SAMD5: variants seen among roughly 807,000 people sequenced by gnomAD.
The protein encoded by SAMD5 is sterile alpha motif domain-containing protein 5.
In SAMD5, 13 loss-of-function variants were observed where a neutral mutation model predicts 11.3. The ratio of observed to expected loss-of-function variants is 1.15; its 90% CI spans 0.75 to 1.83. The LOEUF is 1.83. Among genes scored for constraint, SAMD5 ranks in the 40% most tolerant of loss-of-function variants. SAMD5 has a pLI of 0.00. For synonymous variants in SAMD5, 129 were observed against 111.3 expected (o/e 1.16, Z -1.00); for missense variants, 255 against 239.1 (o/e 1.07, Z -0.44).
At chr6:147,798,709 A>C in the SAMD5 span, among the ~76,000 whole-genome samples, 1,552 of 151,440 alleles carry the variant, frequency 0.01, 20 homozygotes, top group Middle Eastern at 0.031. Flanking sequence ...GTCTAAGTCT[A>C]TTTGTAGGTC....
chr6:147,874,485 A>G, the SAMD5 span, among the ~76,000 whole-genome samples: 1 of 151,870 alleles, frequency 6.6e-6, no homozygotes, highest in Non-Finnish European at 1.5e-5. Flanking sequence ...TTGCGTGGGC[A>G]ATGACATTCT....
Position 147,564,501 on chromosome 6 carries a change from G to A in SAMD5, c.*45G>A, listed in dbSNP as rs1789005713. The A allele has an allele frequency of 1.2e-6, 1 of 825,104 alleles. No individual in the cohort carries two copies. The highest frequency in any genetic ancestry group is 1.7e-5 in the Admixed American group (1 of 58,440). 51.1% of individuals were successfully genotyped at this position (825,104 alleles called of 1,614,324 possible). A position where few individuals can be genotyped will look rare whatever the true frequency, so the allele number is the denominator to read the frequency against. On this transcript the variant is annotated 3_prime_UTR_variant, in exon 2 of 2. Transcript: ENST00000367474. Reference sequence around the variant, plus strand: ...GTGGAGGACTGATGAGGTGCCTGAAGACTGGAAAAGGGCATATTTAGAACC... The same window carrying A: ...GTGGAGGACTGATGAGGTGCCTGAAAACTGGAAAAGGGCATATTTAGAACC...
intron 1 of SAMD5, among the ~76,000 whole-genome samples, chr6:147,643,791 A>G (rs1272650858): frequency 7.3e-6 from 1 of 136,904 alleles, no homozygotes; most frequent in African/African-American, 2.7e-5. Context: ...GAAGGAAGGA[A>G]GGAAAGAGAG....
the SAMD5 span, among the ~76,000 whole-genome samples, chr6:147,949,543 G>A: frequency 6.6e-6 from 1 of 152,068 alleles, no homozygotes; most frequent in African/African-American, 2.4e-5. Flanking sequence ...TTTCTATCAC[G>A]CTACTTCTAA....
chr6:147,928,183 G>T, the SAMD5 span, among the ~76,000 whole-genome samples: 2 of 152,172 alleles, frequency 1.3e-5, no homozygotes, highest in Non-Finnish European at 2.9e-5. Flanking sequence ...TGGACTCATA[G>T]AATGAGTTGG....
At chr6:147,835,903 C>T in the SAMD5 span, among the ~76,000 whole-genome samples, 14 of 152,228 alleles carry the variant, frequency 9.2e-5, no homozygotes, top group African/African-American at 2.7e-4. Flanking sequence ...TCACCCCACA[C>T]CTGCCTTCTG....
At chr6:147,768,889 G>A in the SAMD5 span, among the ~76,000 whole-genome samples, 29 of 152,134 alleles carry the variant, frequency 1.9e-4, no homozygotes, top group Non-Finnish European at 8.8e-5. Flanking sequence ...CGCCTCCCAG[G>A]TTCAAGCGAT....
At chr6:147,677,556 A>C (rs570687643) in intron 1 of SAMD5, among the ~76,000 whole-genome samples, 2 of 152,304 alleles carry the variant, frequency 1.3e-5, no homozygotes, top group East Asian at 3.9e-4. Flanking sequence ...GATTGAGTTG[A>C]GTATCTAACA....
the SAMD5 span, among the ~76,000 whole-genome samples, chr6:147,890,999 A>G: frequency 1.3e-5 from 2 of 152,262 alleles, no homozygotes; most frequent in African/African-American, 4.8e-5. Flanking sequence ...GTAGCCCCGT[A>G]TGATTGCATA....
intron 1 of SAMD5, among the ~76,000 whole-genome samples, chr6:147,622,949 G>A (rs1789993824): frequency 6.6e-6 from 1 of 152,146 alleles, no homozygotes; most frequent in South Asian, 2.1e-4. Flanking sequence ...CAGACCTTGT[G>A]AGACTTATTC....
the SAMD5 span, among the ~76,000 whole-genome samples, chr6:147,891,023 A>C: frequency 6.6e-6 from 1 of 152,220 alleles, no homozygotes; most frequent in Non-Finnish European, 1.5e-5. Context: ...ATATTTCTAA[A>C]ATATGTTAAG....
intron 1 of SAMD5, among the ~76,000 whole-genome samples, chr6:147,735,212 G>T (rs1791779429): frequency 6.6e-6 from 1 of 152,196 alleles, no homozygotes; most frequent in Admixed American, 6.5e-5. Flanking sequence ...ATTAATGGAT[G>T]ATGGCCTGTC....
chr6:147,738,027 C>T (rs1791829789), downstream of SAMD5, among the ~76,000 whole-genome samples: 1 of 152,016 alleles, frequency 6.6e-6, no homozygotes, highest in Admixed American at 6.6e-5. Context: ...CAGCTGCTCA[C>T]CACTCAGAGA....
At chr6:147,860,420 C>T in the SAMD5 span, among the ~76,000 whole-genome samples, 1 of 152,150 alleles carries the variant, frequency 6.6e-6, no homozygotes, top group Non-Finnish European at 1.5e-5. Context: ...GAACATAGTT[C>T]AACCCATAAC....
chr6:147,618,702 A>C (rs1479585310), intron 1 of SAMD5, among the ~76,000 whole-genome samples: 2 of 152,172 alleles, frequency 1.3e-5, no homozygotes, highest in Non-Finnish European at 2.9e-5. Flanking sequence ...TCCCCTGACC[A>C]ATGTGAAGCT....
At chr6:147,827,633 T>C in the SAMD5 span, among the ~76,000 whole-genome samples, 1 of 152,200 alleles carries the variant, frequency 6.6e-6, no homozygotes, top group African/African-American at 2.4e-5. Flanking sequence ...TCTCAGGAAG[T>C]GTTCTTGTCT....
At chr6:147,808,022 A>G in the SAMD5 span, among the ~76,000 whole-genome samples, 2 of 152,188 alleles carry the variant, frequency 1.3e-5, no homozygotes, top group Admixed American at 1.3e-4. Context: ...GCCATCTTGA[A>G]TGTTTTCTGA....
rs1319152321 is a variant in SAMD5 at position 147,726,976 on chromosome 6, C to T, written c.163-10341C>T. Among the ~76,000 whole-genome samples the T allele has an allele frequency of 2.0e-5, 3 of 152,334 alleles. No homozygotes were observed. The East Asian group carries it at 5.8e-4, about 29-fold the overall frequency. Reference sequence around the variant, plus strand: ...CCATAATTCCAGCCTCACCTCTCTGCAGACTTTCCTTGACATAACTAAAAA... The same window carrying T: ...CCATAATTCCAGCCTCACCTCTCTGTAGACTTTCCTTGACATAACTAAAAA... On this transcript the variant is annotated intron_variant, in intron 1 of 1. Coordinates refer to the SAMD5 transcript ENST00000566741.
At chr6:147,846,119 A>AT in the SAMD5 span, among the ~76,000 whole-genome samples, 9 of 152,106 alleles carry the variant, frequency 5.9e-5, no homozygotes, top group Non-Finnish European at 1.3e-4. Context: ...AAAAAAAAAA[A>AT]GCTATTTTAA....
Sources: gnomAD v4.1 joint callset for allele counts (sites outside exome capture counted in the v4.1 genomes callset) on GRCh38, gnomAD v4.1.1 for gene constraint, MANE v1.5 for transcripts, NCBI Gene and HGNC (gene_info 2026-07-23, HGNC 2026-07-21) for gene names.